Variants in PTPRD observed in about 807,000 individuals in gnomAD.
PTPRD encodes the protein receptor-type tyrosine-protein phosphatase delta.
PTPRD carries 34 observed loss-of-function variants against 214.5 expected under a neutral mutation model. The observed-to-expected ratio is 0.16, with a 90% CI of 0.12 to 0.21. The LOEUF (loss-of-function observed/expected upper bound fraction) is 0.21, where lower values mean the gene tolerates loss of function less well. Among genes scored for constraint, PTPRD ranks in the 10% least tolerant of loss-of-function variants. The pLI, the probability that PTPRD is intolerant of heterozygous loss-of-function variation, is 1.00. For synonymous variants in PTPRD, 1,128 were observed against 845.7 expected (o/e 1.33, Z -5.79); for missense variants, 2,545 against 2,398.7 (o/e 1.06, Z -1.27).
intron 39 of PTPRD, 27 bp from the exon 40 acceptor site, chr9:8,342,005 C>T (rs201315409): frequency 6.6e-5 from 103 of 1,551,658 alleles, no homozygotes; most frequent in Middle Eastern, 3.5e-4. Context: ...GAAGAAAAGC[C>T]CAAATAAACC....
intron 3 of PTPRD, among the ~76,000 whole-genome samples, chr9:10,277,203 AAACATAAACATAC>A (rs2094754238): frequency 6.6e-6 from 1 of 151,680 alleles, no homozygotes; most frequent in South Asian, 2.1e-4. Flanking sequence ...CATAAAACAT[AAACATAAACATAC>A]AACATAAACA....
chr9:9,388,901 C>A (rs1036376039), intron 9 of PTPRD, among the ~76,000 whole-genome samples: 2 of 151,952 alleles, frequency 1.3e-5, no homozygotes, highest in Admixed American at 6.6e-5. Context: ...AAAAAAAAAT[C>A]TTTCACAGTG....
chr9:9,581,141 A>C (rs1408690038), intron 7 of PTPRD, among the ~76,000 whole-genome samples: 2 of 152,180 alleles, frequency 1.3e-5, no homozygotes, highest in Non-Finnish European at 2.9e-5. Context: ...AATAGTAAAT[A>C]GATTAGAAAG....
At chr9:8,606,731 T>C (rs2095235688) in intron 14 of PTPRD, among the ~76,000 whole-genome samples, 1 of 152,234 alleles carries the variant, frequency 6.6e-6, no homozygotes, top group Non-Finnish European at 1.5e-5. Flanking sequence ...TTATATTTTA[T>C]GCTAGAGGAA....
intron 2 of PTPRD, among the ~76,000 whole-genome samples, chr9:10,406,722 T>A (rs933907896): frequency 1.3e-5 from 2 of 151,632 alleles, no homozygotes; most frequent in South Asian, 2.1e-4. Context: ...GTGGTTTCAA[T>A]TTAATCAGCA....
At chr9:10,334,222 G>C (rs900811210) in intron 3 of PTPRD, among the ~76,000 whole-genome samples, 5 of 151,548 alleles carry the variant, frequency 3.3e-5, no homozygotes, top group African/African-American at 1.2e-4. Context: ...AAGATAATAG[G>C]CAAATATACC....
chr9:9,189,097 C>T (rs1397039658), intron 9 of PTPRD, among the ~76,000 whole-genome samples: 1 of 151,918 alleles, frequency 6.6e-6, no homozygotes, highest in Non-Finnish European at 1.5e-5. Context: ...GAATACAATT[C>T]CATTATTTTC....
chr9:8,484,470 T>C lies in PTPRD; in HGVS notation c.3154-92A>G, dbSNP rs531892140. On this transcript the variant is annotated intron_variant, in intron 29 of 45. Coordinates refer to ENST00000381196, the MANE Select transcript of PTPRD (RefSeq NM_002839.4). Reference sequence around the variant, plus strand: ...AATGTGCACTAGCTTTTGGAAAATGTATATATAGTCAATTCTAATTTTAGG... The same window carrying C: ...AATGTGCACTAGCTTTTGGAAAATGCATATATAGTCAATTCTAATTTTAGG... The C allele has an allele frequency of 2.0e-5, 25 of 1,268,650 alleles. No homozygotes were observed. The East Asian group carries it at 4.7e-4, about 24-fold the overall frequency. The allele number at this position is 1,268,650 out of a possible 1,614,324, so 78.6% of individuals were successfully genotyped here.
At chr9:8,318,783 T>C (rs1218389541) in intron 45 of PTPRD, among the ~76,000 whole-genome samples, 3 of 152,036 alleles carry the variant, frequency 2.0e-5, no homozygotes, top group African/African-American at 4.8e-5. Context: ...CACTATCATA[T>C]TGGAATAAAT....
At chr9:10,188,286 A>G (rs1482116310) in intron 3 of PTPRD, among the ~76,000 whole-genome samples, 1 of 152,182 alleles carries the variant, frequency 6.6e-6, no homozygotes, top group African/African-American at 2.4e-5. Flanking sequence ...AGTATAACTC[A>G]TGAAAGCATG....
intron 4 of PTPRD, among the ~76,000 whole-genome samples, chr9:9,970,232 C>T (rs1258570647): frequency 2.6e-5 from 4 of 151,786 alleles, no homozygotes; most frequent in East Asian, 1.9e-4. Context: ...GGGCGGATCA[C>T]GAGGTCAGGA....
intron 9 of PTPRD, among the ~76,000 whole-genome samples, chr9:9,304,294 T>C (rs1040866641): frequency 8.5e-5 from 13 of 152,056 alleles, no homozygotes; most frequent in African/African-American, 3.1e-4. Flanking sequence ...AGGTGAAAAA[T>C]AAGTTTGTAA....
At chr9:9,246,959 A>C (rs78213476) in intron 9 of PTPRD, among the ~76,000 whole-genome samples, 1 of 151,122 alleles carries the variant, frequency 6.6e-6, no homozygotes, top group African/African-American at 2.4e-5. Flanking sequence ...GGTCTCTCTG[A>C]CCTTCTCCTG....
intron 9 of PTPRD, among the ~76,000 whole-genome samples, chr9:9,205,461 T>C (rs1282034314): frequency 6.6e-6 from 1 of 152,132 alleles, no homozygotes; most frequent in Non-Finnish European, 1.5e-5. Flanking sequence ...CAATTACTTC[T>C]AGATAATAAT....
intron 5 of PTPRD, among the ~76,000 whole-genome samples, chr9:9,837,013 T>A (rs753483521): frequency 6.6e-6 from 1 of 152,182 alleles, no homozygotes; most frequent in Admixed American, 6.6e-5. Context: ...AGTGAATGCA[T>A]GAAAACTAAT....
chr9:8,645,540 A>T (rs2096668416), intron 12 of PTPRD, among the ~76,000 whole-genome samples: 1 of 152,210 alleles, frequency 6.6e-6, no homozygotes, highest in Non-Finnish European at 1.5e-5. Flanking sequence ...AATGAGTATT[A>T]AAGCATTTCC....
intron 10 of PTPRD, among the ~76,000 whole-genome samples, chr9:9,097,062 T>C (rs1335925880): frequency 6.6e-6 from 1 of 152,208 alleles, no homozygotes; most frequent in African/African-American, 2.4e-5. Context: ...CACATTTCAC[T>C]CTTCTCTTGA....
intron 11 of PTPRD, among the ~76,000 whole-genome samples, chr9:8,989,596 C>T (rs563670516): frequency 9.3e-4 from 142 of 152,134 alleles, no homozygotes; most frequent in African/African-American, 3.2e-3. Flanking sequence ...TTTCCTTATA[C>T]ATTCATCCAA....
chr9:9,584,335 C>T (rs774018459), intron 7 of PTPRD, among the ~76,000 whole-genome samples: 1 of 147,742 alleles, frequency 6.8e-6, no homozygotes, highest in Non-Finnish European at 1.5e-5. Context: ...AAAGCTACTA[C>T]ATTAAAACAT....
Sources: allele counts gnomAD v4.1 joint callset (sites outside exome capture counted in the v4.1 genomes callset), GRCh38; gene constraint gnomAD v4.1.1; transcripts MANE v1.5; gene names NCBI Gene and HGNC (gene_info 2026-07-23, HGNC 2026-07-21).